The following ASB4 variants were observed in gnomAD, a reference collection of about 807,000 sequenced individuals.
The protein encoded by ASB4 is ankyrin repeat and SOCS box protein 4.
Under a neutral mutation model 38.6 loss-of-function variants are expected in ASB4, and 35 were observed. That is an observed-to-expected ratio of 0.91 (90% CI 0.69 to 1.20). ASB4 has a LOEUF of 1.20. Among genes scored for constraint, ASB4 ranks in the 50% most tolerant of loss-of-function variants. The probability of loss-of-function intolerance (pLI) is 0.00; values close to 1 mark genes in which losing one functional copy is unlikely to be tolerated. For missense variants in ASB4, 557 were observed against 527.2 expected, an observed-to-expected ratio of 1.06 and a Z score of -0.55; for synonymous variants, 195 against 201.3, an observed-to-expected ratio of 0.97 and a Z score of 0.26.
chr7:95,545,574 T>G, the ASB4 span, among the ~76,000 whole-genome samples: 2 of 152,228 alleles, frequency 1.3e-5, no homozygotes, highest in Non-Finnish European at 2.9e-5. Flanking sequence ...CATTTCTCTC[T>G]TCCCTTATTG....
downstream of ASB4, among the ~76,000 whole-genome samples, chr7:95,541,093 G>A (rs573078724): frequency 4.1e-4 from 63 of 152,166 alleles, no homozygotes; most frequent in Non-Finnish European, 6.8e-4. Flanking sequence ...TTCTTTAGGA[G>A]GATAAAGTAG....
the ASB4 span, among the ~76,000 whole-genome samples, chr7:95,473,419 C>T: frequency 1.3e-5 from 2 of 152,196 alleles, no homozygotes; most frequent in Non-Finnish European, 2.9e-5. Context: ...AGAGCAGCTG[C>T]CTGGCTGTGA....
At chr7:95,482,687 T>G (rs909948202), upstream of ASB4, among the ~76,000 whole-genome samples, 2 of 152,174 alleles carry the variant, frequency 1.3e-5, no homozygotes, top group Admixed American at 6.5e-5. Context: ...TCAATAGGCT[T>G]GCTGACGTAG....
chr7:95,509,933 C>G lies in ASB4; in HGVS notation c.487+13876C>G, dbSNP rs547187515. Among the ~76,000 whole-genome samples the G allele has an allele frequency of 1.4e-4, 21 of 152,148 alleles. No homozygotes were observed. The South Asian group carries it at 3.1e-3, about 23-fold the overall frequency. ...GATCAAATTTTATTTGTTTTGGGTC[C>G]GTGATGCTCCCACTGTGTCTTGCTG... On this transcript the variant is annotated intron_variant, in intron 2 of 4. Coordinates refer to ENST00000325885, the MANE Select transcript of ASB4 (RefSeq NM_016116.3).
chr7:95,484,966 GTGTGTATATATGTATATA>G (rs201545170), upstream of ASB4, among the ~76,000 whole-genome samples: 2,093 of 147,786 alleles, frequency 0.014, 27 homozygotes, highest in Non-Finnish European at 0.021. Flanking sequence ...ATATATATAT[GTGTGTATATATGTATATA>G]TGTGTATATA....
At chr7:95,526,376 A>C (rs1790736605) in intron 2 of ASB4, among the ~76,000 whole-genome samples, 1 of 151,884 alleles carries the variant, frequency 6.6e-6, no homozygotes, top group Admixed American at 6.6e-5. Context: ...AACTCTATAA[A>C]ACTTCGCTGC....
At chr7:95,485,904 C>A (rs1458692862), upstream of ASB4, 2 of 1,417,478 alleles carry the variant, frequency 1.4e-6, no homozygotes, top group Non-Finnish European at 1.9e-6. Context: ...GACTCTCCAG[C>A]ATGCGCCTGT....
At position 95,527,754 on chromosome 7, in the gene ASB4, C is replaced by T; in HGVS notation, c.488-59C>T. 2.0e-6 allele frequency: 3 copies of T among 1,473,184 alleles called. No individual in the cohort carries two copies. In the South Asian group the frequency reaches 3.9e-5, roughly 19 times the overall value. The allele number at this position is 1,473,184 out of a possible 1,614,324, so 91.3% of individuals were successfully genotyped here. A position where few individuals can be genotyped will look rare whatever the true frequency, so the allele number is the denominator to read the frequency against. On this transcript the variant is annotated intron_variant, in intron 2 of 4. Transcript: ENST00000325885. The stretch of plus-strand genomic sequence containing the variant: ...AGTGAGAAAAGTCTTGTTTAATGAA[C>T]CTTAGGAATAATGACAAAACATGTT...
rs1340223418 is a variant in ASB4, at chr7:95,527,948, T to G, written c.623T>G (p.Met208Arg). ...ATAGTGGACAGCGTGAATGCCCACA[T>G]GGAGACCCCCCTGGCCATCGCCGCC... ...GAIVDSVNAH[M>R]ETPLAIAAYW... The change falls in exon 3 of 5, where the codon ATG becomes AGG. Residue 208 changes from methionine to arginine, a missense_variant. By Grantham distance (91) the Met-to-Arg change is moderately conservative. Coordinates refer to ENST00000325885, the MANE Select transcript of ASB4 (RefSeq NM_016116.3). 2 of 1,614,118 alleles carry G rather than the reference T, an allele frequency of 1.2e-6. No homozygotes were observed. Among genetic ancestry groups the G allele is most frequent in the Non-Finnish European group, 1.7e-6 (2 of 1,180,038 alleles).
At chr7:95,526,161 G>A (rs936731972) in intron 2 of ASB4, among the ~76,000 whole-genome samples, 18 of 152,154 alleles carry the variant, frequency 1.2e-4, no homozygotes, top group Non-Finnish European at 2.2e-4. Flanking sequence ...CAGTGATAAG[G>A]AATTTCGAAG....
chr7:95,545,870 T>C, the ASB4 span, among the ~76,000 whole-genome samples: 3 of 152,232 alleles, frequency 2.0e-5, no homozygotes, highest in Admixed American at 2.0e-4. Flanking sequence ...AGAAGCCTAA[T>C]CATGCCATCT....
the ASB4 span, among the ~76,000 whole-genome samples, chr7:95,546,733 G>C: frequency 6.6e-6 from 1 of 152,142 alleles, no homozygotes; most frequent in Non-Finnish European, 1.5e-5. Flanking sequence ...ACAGGCTCTT[G>C]GTCTCGAATT....
At chr7:95,529,848 G>A (rs1392435887) in intron 3 of ASB4, among the ~76,000 whole-genome samples, 1 of 152,104 alleles carries the variant, frequency 6.6e-6, no homozygotes, top group Non-Finnish European at 1.5e-5. Context: ...TTTAAAAGGT[G>A]ACTAAGCTAA....
chr7:95,549,313 T>TTTTTTTTTTTTTG, the ASB4 span, among the ~76,000 whole-genome samples: 1 of 146,984 alleles, frequency 6.8e-6, no homozygotes, highest in African/African-American at 2.6e-5. Context: ...TTTTTTTTTT[T>TTTTTTTTTTTTTG]TGAGATGGAG....
intron 1 of ASB4, among the ~76,000 whole-genome samples, chr7:95,494,209 G>C (rs181720426): frequency 2.2e-4 from 33 of 152,308 alleles, no homozygotes; most frequent in African/African-American, 6.5e-4. Flanking sequence ...TTTTAATGTG[G>C]TCATCATCCT....
chr7:95,485,565 G>A (rs1325632446), upstream of ASB4, among the ~76,000 whole-genome samples: 1 of 152,142 alleles, frequency 6.6e-6, no homozygotes, highest in East Asian at 1.9e-4. Flanking sequence ...TTGGATATTG[G>A]CTTGTCAGAG....
chr7:95,518,919 A>T (rs535161687), intron 2 of ASB4, among the ~76,000 whole-genome samples: 14 of 152,358 alleles, frequency 9.2e-5, no homozygotes, highest in African/African-American at 3.1e-4. Context: ...ACTGGGAGTT[A>T]GTAAGATTAT....
At chr7:95,516,763 T>G (rs1414348305) in intron 2 of ASB4, among the ~76,000 whole-genome samples, 1 of 152,244 alleles carries the variant, frequency 6.6e-6, no homozygotes, top group East Asian at 1.9e-4. Context: ...TGGTCTTTGT[T>G]CAGTCTTATT....
intron 3 of ASB4, chr7:95,528,775 TAATA>T (rs1426480127): frequency 1.1e-5 from 9 of 838,276 alleles, no homozygotes; most frequent in Middle Eastern, 6.2e-4. Context: ...TTATTATGTA[TAATA>T]AATAAGCACA....
Sources: allele counts gnomAD v4.1 joint callset (sites outside exome capture counted in the v4.1 genomes callset), GRCh38; gene constraint gnomAD v4.1.1; transcripts MANE v1.5; gene names NCBI Gene and HGNC (gene_info 2026-07-23, HGNC 2026-07-21).